ASIC2: variants seen among roughly 807,000 people sequenced by gnomAD.
ASIC2 encodes acid sensing ion channel subunit 2.
ASIC2 carries 25 observed loss-of-function variants against 57.3 expected under a neutral mutation model. The ratio of observed to expected loss-of-function variants is 0.44; its 90% CI spans 0.32 to 0.61. ASIC2 has a LOEUF of 0.61. ASIC2 is among the 20% of genes least tolerant of loss of function. The pLI is 0.06. For synonymous variants in ASIC2, 319 were observed against 307.5 expected, an observed-to-expected ratio of 1.04 and a Z score of -0.39; for missense variants, 641 against 738.1, an observed-to-expected ratio of 0.87 and a Z score of 1.52.
chr17:33,566,685 G>A (rs1245206682), intron 1 of ASIC2, among the ~76,000 whole-genome samples: 1 of 152,004 alleles, frequency 6.6e-6, no homozygotes, highest in East Asian at 1.9e-4. Context: ...TCAGGTCCGG[G>A]CACAGTAATC....
chr17:33,664,288 G>A (rs1012160913), intron 1 of ASIC2, among the ~76,000 whole-genome samples: 17 of 152,224 alleles, frequency 1.1e-4, no homozygotes, highest in Non-Finnish European at 2.1e-4. Flanking sequence ...TCTCAAGGAA[G>A]TGGTCTCTGG....
At chr17:33,305,989 A>C (rs1311798094) in intron 1 of ASIC2, among the ~76,000 whole-genome samples, 1 of 152,214 alleles carries the variant, frequency 6.6e-6, no homozygotes, top group Non-Finnish European at 1.5e-5. Flanking sequence ...AATTGGTTAC[A>C]TTGCAGCCAG....
intron 1 of ASIC2, among the ~76,000 whole-genome samples, chr17:33,229,343 C>G (rs1030007913): frequency 1.3e-5 from 2 of 152,170 alleles, no homozygotes; most frequent in Admixed American, 1.3e-4. Flanking sequence ...CACCACTGTG[C>G]TGAGAGCTGG....
chr17:34,027,617 A>T (rs542645730), intron 1 of ASIC2, among the ~76,000 whole-genome samples: 27 of 152,356 alleles, frequency 1.8e-4, no homozygotes, highest in South Asian at 4.1e-4. Flanking sequence ...TAGTTCCCTT[A>T]GGACTGAGGC....
intron 5 of ASIC2, among the ~76,000 whole-genome samples, chr17:33,024,227 CTT>C (rs2091850474): frequency 6.6e-6 from 1 of 152,152 alleles, no homozygotes; most frequent in African/African-American, 2.4e-5. Flanking sequence ...TCATGTCACT[CTT>C]TAAAAATTGT....
intron 2 of ASIC2, among the ~76,000 whole-genome samples, chr17:33,095,279 G>A (rs2092173997): frequency 6.6e-6 from 1 of 151,982 alleles, no homozygotes; most frequent in Admixed American, 6.6e-5. Context: ...CTTCCATTTG[G>A]TTACCCTCTG....
chr17:34,092,415 G>A (rs1210703415), intron 1 of ASIC2, among the ~76,000 whole-genome samples: 1 of 152,192 alleles, frequency 6.6e-6, no homozygotes, highest in Non-Finnish European at 1.5e-5. Flanking sequence ...AATAGCTTCT[G>A]AGTCATTAGA....
intron 1 of ASIC2, among the ~76,000 whole-genome samples, chr17:33,200,294 G>T (rs908509132): frequency 6.6e-6 from 1 of 152,126 alleles, no homozygotes; most frequent in African/African-American, 2.4e-5. Flanking sequence ...TGAGTTTGTT[G>T]ACTCAGCTCT....
At chr17:33,685,953 C>A (rs1170070528) in intron 1 of ASIC2, among the ~76,000 whole-genome samples, 1 of 152,144 alleles carries the variant, frequency 6.6e-6, no homozygotes, top group Non-Finnish European at 1.5e-5. Flanking sequence ...GGGACCGGGA[C>A]ACGGGGGACC....
chr17:33,088,575 T>A (rs60457867), intron 3 of ASIC2, among the ~76,000 whole-genome samples: 26,097 of 139,528 alleles, frequency 0.19, 2,360 homozygotes, highest in African/African-American at 0.21. Flanking sequence ...AAAAAAAAAA[T>A]TTTTTTTAAA....
At chr17:33,366,546 T>A (rs1747323493) in intron 1 of ASIC2, among the ~76,000 whole-genome samples, 1 of 152,216 alleles carries the variant, frequency 6.6e-6, no homozygotes, top group African/African-American at 2.4e-5. Context: ...TTCTTTGACA[T>A]CTTCTCCCTC....
chr17:33,898,614 A>T (rs959010065), intron 1 of ASIC2, among the ~76,000 whole-genome samples: 1 of 152,166 alleles, frequency 6.6e-6, no homozygotes, highest in African/African-American at 2.4e-5. Context: ...ATTATTAACT[A>T]AACTATTGAT....
At chr17:33,191,023 T>C (rs1906395564) in intron 1 of ASIC2, among the ~76,000 whole-genome samples, 1 of 152,192 alleles carries the variant, frequency 6.6e-6, no homozygotes, top group Non-Finnish European at 1.5e-5. Flanking sequence ...GGCTTGTACA[T>C]GGATGTTTAT....
At chr17:33,597,674 G>T (rs1044525123) in intron 1 of ASIC2, among the ~76,000 whole-genome samples, 1 of 152,122 alleles carries the variant, frequency 6.6e-6, no homozygotes, top group African/African-American at 2.4e-5. Flanking sequence ...AATACGTGAT[G>T]GAATCAGCGA....
intron 1 of ASIC2, among the ~76,000 whole-genome samples, chr17:33,567,760 G>A (rs1231339234): frequency 6.6e-6 from 1 of 152,126 alleles, no homozygotes; most frequent in Non-Finnish European, 1.5e-5. Flanking sequence ...TGAGTTTGGA[G>A]GTAGAGGTCA....
At chr17:33,036,606 AC>A in intron 3 of ASIC2, among the ~76,000 whole-genome samples, 1 of 91,774 alleles carries the variant, frequency 1.1e-5, no homozygotes, top group East Asian at 3.0e-4. Flanking sequence ...AATTTTTTGA[AC>A]TTTTTTTTTT....
At chr17:33,950,244 G>T (rs11868950) in intron 1 of ASIC2, among the ~76,000 whole-genome samples, 5 of 152,170 alleles carry the variant, frequency 3.3e-5, no homozygotes, top group Admixed American at 6.5e-5. Context: ...GATTACCAGG[G>T]AGGGCCTGCC....
At chr17:33,422,541 T>C (rs920865406) in intron 1 of ASIC2, among the ~76,000 whole-genome samples, 2 of 152,212 alleles carry the variant, frequency 1.3e-5, no homozygotes, top group Non-Finnish European at 2.9e-5. Context: ...TTGACAGTCC[T>C]GCCCATGGCG....
At chr17:33,875,324 A>G (rs569417989) in intron 1 of ASIC2, among the ~76,000 whole-genome samples, 1 of 152,210 alleles carries the variant, frequency 6.6e-6, no homozygotes, top group African/African-American at 2.4e-5. Flanking sequence ...TTTCCAGAAT[A>G]CTGCTGGCCA....
Sources: allele counts gnomAD v4.1 joint callset (sites outside exome capture counted in the v4.1 genomes callset), GRCh38; gene constraint gnomAD v4.1.1; transcripts MANE v1.5; gene names NCBI Gene and HGNC (gene_info 2026-07-23, HGNC 2026-07-21).